ATCAY: variants seen among roughly 807,000 people sequenced by gnomAD.
ATCAY encodes ATCAY kinesin light chain interacting caytaxin.
A neutral mutation model predicts 47.7 loss-of-function variants in ATCAY; 22 were observed. The observed-to-expected ratio is 0.46, with a 90% CI of 0.33 to 0.66. The LOEUF is 0.66. Ranked by LOEUF, ATCAY falls within the 30% of genes least tolerant of loss-of-function variation. The pLI is 0.02. For synonymous variants in ATCAY, 216 were observed against 207.6 expected (o/e 1.04, Z -0.35); for missense variants, 452 against 515.0 (o/e 0.88, Z 1.18).
In ATCAY at chr19:3,925,428, C is replaced by G. The variant is rs192312376; in HGVS notation, c.*836C>G. On this transcript the variant is annotated 3_prime_UTR_variant, in exon 13 of 13. Coordinates refer to ENST00000450849, the MANE Select transcript of ATCAY (RefSeq NM_033064.5). This position sits in a 1 kb window ranked among gnomAD's most constrained non-coding sequence, Gnocchi z 4.4. ...CAGGCTGGGACACGCCAACGCTGTT[C>G]CGGGTTGGAACAGCAGAGGCTCAGA... is the stretch of plus-strand genomic sequence containing the variant. The G allele has an allele frequency of 2.0e-5, 3 of 152,358 alleles. No homozygotes were observed. Among genetic ancestry groups the G allele is most frequent in the Admixed American group, 2.0e-4 (3 of 15,302 alleles). The allele number at this position is 152,358 out of a possible 1,614,324, so 9.4% of individuals were successfully genotyped here.
chr19:3,902,453 G>A (rs777920713), intron 2 of ATCAY, 34 bp from the exon 3 acceptor site: 4 of 1,556,404 alleles, frequency 2.6e-6, no homozygotes, highest in African/African-American at 1.4e-5. Context: ...TCTGGTGCCC[G>A]GCGACTGATG....
chr19:3,917,676 A>G, intron 9 of ATCAY, 66 bp from the exon 10 acceptor site: 1 of 1,572,238 alleles, frequency 6.4e-7, no homozygotes, highest in South Asian at 1.1e-5. Flanking sequence ...AAGGAAAGGG[A>G]TTTCCCCAAA....
At chr19:3,921,176 G>C (rs1482758273) in intron 12 of ATCAY, among the ~76,000 whole-genome samples, 1 of 152,162 alleles carries the variant, frequency 6.6e-6, no homozygotes, top group Admixed American at 6.6e-5. Flanking sequence ...GACTGTCCAC[G>C]CTCTGCCTCC....
At chr19:3,898,251 C>T (rs190124551) in intron 2 of ATCAY, among the ~76,000 whole-genome samples, 1 of 151,930 alleles carries the variant, frequency 6.6e-6, no homozygotes, top group Admixed American at 6.6e-5. Flanking sequence ...GTGGTGCAAT[C>T]ATAGCTCACT....
chr19:3,886,363 C>T (rs528534586), intron 2 of ATCAY, among the ~76,000 whole-genome samples: 2 of 151,816 alleles, frequency 1.3e-5, no homozygotes, highest in African/African-American at 2.4e-5. Flanking sequence ...GAGGCCGAGG[C>T]GGGCGGATCA....
At chr19:3,909,435 G>T in intron 6 of ATCAY, 51 bp from the exon 7 acceptor site, 1 of 1,589,596 alleles carries the variant, frequency 6.3e-7, no homozygotes, top group Non-Finnish European at 8.6e-7. Context: ...CAGGTGTCCT[G>T]ACCCTGGACC....
intron 1 of ATCAY, among the ~76,000 whole-genome samples, chr19:3,885,289 C>T (rs1280805497): frequency 6.6e-6 from 1 of 151,142 alleles, no homozygotes; most frequent in African/African-American, 2.4e-5. Flanking sequence ...TGTGATGGCT[C>T]AAGCCTGTAA....
intron 1 of ATCAY, among the ~76,000 whole-genome samples, chr19:3,884,265 C>T (rs559701993): frequency 5.3e-5 from 8 of 151,428 alleles, no homozygotes; most frequent in Non-Finnish European, 1.0e-4. Flanking sequence ...CCAGCCTGGG[C>T]GACAGAGCAA....
At chr19:3,904,923 G>A (rs1248937407) in intron 3 of ATCAY, among the ~76,000 whole-genome samples, 5 of 151,986 alleles carry the variant, frequency 3.3e-5, no homozygotes, top group African/African-American at 1.2e-4. Context: ...GCAATGGTAC[G>A]ATCTTGGCTC....
At chr19:3,919,277 AT>A (rs1355573837) in intron 11 of ATCAY, among the ~76,000 whole-genome samples, 2 of 150,522 alleles carry the variant, frequency 1.3e-5, no homozygotes, top group Non-Finnish European at 3.0e-5. Flanking sequence ...TCTCAAAAAA[AT>A]AAATAAACAA....
intron 6 of ATCAY, among the ~76,000 whole-genome samples, chr19:3,909,202 A>G (rs1017550887): frequency 1.4e-5 from 2 of 139,472 alleles, no homozygotes; most frequent in African/African-American, 5.3e-5. Flanking sequence ...GCACCACTGC[A>G]CTCTAGCCTG....
At chr19:3,916,909 G>C (rs2038971150) in intron 9 of ATCAY, among the ~76,000 whole-genome samples, 1 of 151,642 alleles carries the variant, frequency 6.6e-6, no homozygotes, top group Non-Finnish European at 1.5e-5. Context: ...CTACGTTCAA[G>C]GGATTCTCGT....
intron 10 of ATCAY, among the ~76,000 whole-genome samples, chr19:3,918,102 G>A (rs980937973): frequency 6.6e-6 from 1 of 152,104 alleles, no homozygotes; most frequent in Non-Finnish European, 1.5e-5. Flanking sequence ...CGGGCGCGGT[G>A]GCTCACCCAG....
At chr19:3,915,241 C>T (rs2038956596) in intron 9 of ATCAY, among the ~76,000 whole-genome samples, 1 of 151,914 alleles carries the variant, frequency 6.6e-6, no homozygotes, top group Non-Finnish European at 1.5e-5. Flanking sequence ...GGCGCCATCT[C>T]GGCTCACCAC....
At chr19:3,899,646 G>A (rs2038798832) in intron 2 of ATCAY, among the ~76,000 whole-genome samples, 1 of 152,096 alleles carries the variant, frequency 6.6e-6, no homozygotes, top group Admixed American at 6.6e-5. Flanking sequence ...AAAGGAACAT[G>A]CATTCCACCG....
intron 2 of ATCAY, among the ~76,000 whole-genome samples, chr19:3,897,061 G>A (rs917199218): frequency 6.6e-6 from 1 of 151,976 alleles, no homozygotes; most frequent in Non-Finnish European, 1.5e-5. Flanking sequence ...ACTGAGGCAT[G>A]AGCCACCACG....
At chr19:3,899,308 C>CTT (rs146410703) in intron 2 of ATCAY, among the ~76,000 whole-genome samples, 1,220 of 106,820 alleles carry the variant, frequency 0.011, 65 homozygotes, top group African/African-American at 0.037. Context: ...GGGAATAAAT[C>CTT]TTTTTTTTTT....
chr19:3,911,322 A>G (rs532166881), intron 8 of ATCAY, among the ~76,000 whole-genome samples: 1 of 152,116 alleles, frequency 6.6e-6, no homozygotes, highest in South Asian at 2.1e-4. Flanking sequence ...GCCGTGATCG[A>G]GCCACTGTAC....
chr19:3,900,895 C>CGTT lies in ATCAY; in HGVS notation c.78-1592_78-1591insGTT, dbSNP rs1371488272. On this transcript the variant is annotated intron_variant, in intron 2 of 12. Coordinates refer to ENST00000450849, the MANE Select transcript of ATCAY (RefSeq NM_033064.5). The stretch of plus-strand genomic sequence containing the variant: ...CAGCCTACACAGAGTTATCCTTCAT[C>CGTT]TTTTTTTTTTTTTTTTTTTTTTTTG... 1.6e-4 allele frequency among the ~76,000 whole-genome samples: 15 copies of CGTT among 92,250 alleles called. 1 individual carries two copies. The highest frequency in any genetic ancestry group is 6.6e-4 in the African/African-American group (14 of 21,182). The allele number at this position is 92,250 out of a possible 152,430, so 60.5% of individuals were successfully genotyped here. A position where few individuals can be genotyped will look rare whatever the true frequency, so the allele number is the denominator to read the frequency against.
Sources: allele counts gnomAD v4.1 joint callset (sites outside exome capture counted in the v4.1 genomes callset), GRCh38; gene constraint gnomAD v4.1.1; non-coding constraint Gnocchi (gnomAD v3.1); transcripts MANE v1.5; gene names NCBI Gene and HGNC (gene_info 2026-07-23, HGNC 2026-07-21).